SOS1: variants seen among roughly 807,000 people sequenced by gnomAD.
SOS1 encodes the protein son of sevenless homolog 1.
SOS1 carries 25 observed loss-of-function variants against 157.6 expected under a neutral mutation model. The ratio of observed to expected loss-of-function variants is 0.16; its 90% CI spans 0.12 to 0.22. SOS1 has a LOEUF of 0.22. SOS1 is among the 10% of genes least tolerant of loss of function. The pLI, the probability that SOS1 is intolerant of heterozygous loss-of-function variation, is 1.00. For missense variants in SOS1, 1,237 were observed against 1,599.1 expected (o/e 0.77, Z 3.86); for synonymous variants, 528 against 534.0 (o/e 0.99, Z 0.16).
At chr2:39,045,423 CTG>C (rs1328055686) in intron 6 of SOS1, among the ~76,000 whole-genome samples, 1 of 151,934 alleles carries the variant, frequency 6.6e-6, no homozygotes, top group African/African-American at 2.4e-5. Context: ...TCTTATAATT[CTG>C]TCAGTTTCTA....
chr2:39,013,427 T>A lies in SOS1; in HGVS notation c.2167+33A>T, dbSNP rs748689203. 4 of 1,214,008 alleles carry A rather than the reference T, an allele frequency of 3.3e-6. No homozygotes were observed. The South Asian group carries it at 4.8e-5, about 15-fold the overall frequency. 75.2% of individuals were successfully genotyped at this position (1,214,008 alleles called of 1,614,324 possible). The stretch of plus-strand genomic sequence containing the variant: ...TCACCGTGTTGGTACTTTTATTACA[T>A]ATAAAACTAGGCACCTAAAAAAAAA... On this transcript the variant is annotated intron_variant, in intron 13 of 22. Coordinates refer to ENST00000402219, the MANE Select transcript of SOS1 (RefSeq NM_005633.4).
chr2:39,122,576 C>T (rs1673932843), upstream of SOS1, among the ~76,000 whole-genome samples: 1 of 152,048 alleles, frequency 6.6e-6, no homozygotes, highest in African/African-American at 2.4e-5. Context: ...TGAGACCAGG[C>T]TGGCGAGACC....
At chr2:38,996,885 A>C (rs992904011) in intron 19 of SOS1, 37 bp downstream of exon 19, 1 of 969,418 alleles carries the variant, frequency 1.0e-6, no homozygotes, top group African/African-American at 1.6e-5. Flanking sequence ...CACATATGGT[A>C]GTAATGACAT....
intron 3 of SOS1, among the ~76,000 whole-genome samples, chr2:39,057,753 A>G (rs1330065057): frequency 6.6e-6 from 1 of 152,090 alleles, no homozygotes; most frequent in African/African-American, 2.4e-5. Flanking sequence ...GCCAATGAAA[A>G]TCATGAAGAG....
At chr2:39,089,744 A>G (rs776172152) in intron 1 of SOS1, among the ~76,000 whole-genome samples, 8 of 152,068 alleles carry the variant, frequency 5.3e-5, no homozygotes, top group Non-Finnish European at 1.0e-4. Context: ...TGGTACTAGT[A>G]TAGTCAATCA....
rs1267148141 is a variant in SOS1, at chr2:39,120,348, A to T, written c.75T>A (p.Pro25=). Residue 25 remains proline (P), a synonymous_variant, in exon 1 of 23, where the codon CCT becomes CCA. Coordinates refer to ENST00000402219, the MANE Select transcript of SOS1 (RefSeq NM_005633.4). ...GCGTGCTCCTCACCTTTTTCAGCGC[A>T]GGCACCAGTAGTCCCCGCCACTTGG... ...NAPKWRGLLV[P]ALKKVQGQVH... 1.3e-6 allele frequency: 2 copies of T among 1,588,554 alleles called. No homozygotes were observed. Among genetic ancestry groups the T allele is most frequent in the Non-Finnish European group, 1.7e-6 (2 of 1,168,222 alleles).
At chr2:39,119,755 A>G (rs2148241627) in intron 1 of SOS1, among the ~76,000 whole-genome samples, 1 of 152,322 alleles carries the variant, frequency 6.6e-6, no homozygotes, top group East Asian at 1.9e-4. Flanking sequence ...ACGCTGCAAA[A>G]ACAAAACAAA....
intron 1 of SOS1, among the ~76,000 whole-genome samples, chr2:39,100,319 G>A (rs1347843186): frequency 6.6e-6 from 1 of 152,168 alleles, no homozygotes; most frequent in Non-Finnish European, 1.5e-5. Context: ...TGTACTCAAA[G>A]GAAATGAAAT....
At chr2:39,055,231 G>A (rs943355786) in intron 4 of SOS1, among the ~76,000 whole-genome samples, 5 of 152,060 alleles carry the variant, frequency 3.3e-5, no homozygotes, top group African/African-American at 1.2e-4. Context: ...TCCTACATTT[G>A]TTGGGAATAG....
intron 1 of SOS1, among the ~76,000 whole-genome samples, chr2:39,090,175 C>G (rs1225519005): frequency 6.7e-6 from 1 of 150,288 alleles, no homozygotes; most frequent in Admixed American, 6.6e-5. Flanking sequence ...TGCATAAACA[C>G]TAAATGCAGA....
chr2:39,068,902 A>C (rs1189020882), intron 1 of SOS1, among the ~76,000 whole-genome samples: 1 of 152,080 alleles, frequency 6.6e-6, no homozygotes, highest in Non-Finnish European at 1.5e-5. Flanking sequence ...CATGTTCCAA[A>C]ACATGCTCAA....
intron 6 of SOS1, among the ~76,000 whole-genome samples, chr2:39,045,123 C>A (rs1034763191): frequency 6.6e-6 from 1 of 152,022 alleles, no homozygotes; most frequent in African/African-American, 2.4e-5. Context: ...TATGTTAGTA[C>A]AGATACAATT....
chr2:39,118,439 C>G (rs1673738540), intron 1 of SOS1, among the ~76,000 whole-genome samples: 1 of 152,210 alleles, frequency 6.6e-6, no homozygotes, highest in South Asian at 2.1e-4. Flanking sequence ...TGTTTAGAAT[C>G]ATTGTTAGTG....
At chr2:39,104,669 C>T (rs1369191936) in intron 1 of SOS1, among the ~76,000 whole-genome samples, 2 of 152,206 alleles carry the variant, frequency 1.3e-5, no homozygotes, top group African/African-American at 4.8e-5. Flanking sequence ...CCAATGTTCA[C>T]TGCAGTATCC....
intron 1 of SOS1, among the ~76,000 whole-genome samples, chr2:39,113,477 C>T (rs935458247): frequency 6.6e-6 from 1 of 151,794 alleles, no homozygotes; most frequent in African/African-American, 2.4e-5. Context: ...CCACCATGCC[C>T]AGCAATATAG....
intron 1 of SOS1, among the ~76,000 whole-genome samples, chr2:39,096,755 G>T (rs931702699): frequency 6.6e-5 from 10 of 151,930 alleles, no homozygotes; most frequent in African/African-American, 2.4e-4. Flanking sequence ...ATGTGGTGGC[G>T]GGCGCCTGTA....
At chr2:39,058,107 G>C (rs1671273825) in intron 3 of SOS1, among the ~76,000 whole-genome samples, 1 of 152,014 alleles carries the variant, frequency 6.6e-6, no homozygotes, top group South Asian at 2.1e-4. Context: ...TATTTTTGTT[G>C]TGAAAGGTAA....
intron 9 of SOS1, 23 bp downstream of exon 9, chr2:39,023,987 T>C (rs1443104394): frequency 9.0e-6 from 14 of 1,554,118 alleles, no homozygotes; most frequent in Non-Finnish European, 1.2e-5. Flanking sequence ...AAAAAGGATA[T>C]TTTAAAAAGT....
At chr2:39,018,711 T>G (rs1445348303) in intron 10 of SOS1, among the ~76,000 whole-genome samples, 1 of 151,720 alleles carries the variant, frequency 6.6e-6, no homozygotes, top group African/African-American at 2.4e-5. Flanking sequence ...CATAAAAAAG[T>G]TATTTATGTA....
Sources: gnomAD v4.1 joint callset for allele counts (sites outside exome capture counted in the v4.1 genomes callset) on GRCh38, gnomAD v4.1.1 for gene constraint, MANE v1.5 for transcripts, NCBI Gene and HGNC (gene_info 2026-07-23, HGNC 2026-07-21) for gene names.